Variants in TPP2 observed in about 807,000 individuals in gnomAD.
TPP2 encodes tripeptidyl peptidase 2, also known as tripeptidyl-peptidase 2.
In TPP2, 34 loss-of-function variants were observed where a neutral mutation model predicts 155.9. That is an observed-to-expected ratio of 0.22 (90% CI 0.17 to 0.29). TPP2 has a LOEUF of 0.29. Among genes scored for constraint, TPP2 ranks in the 10% least tolerant of loss-of-function variants. The probability of loss-of-function intolerance (pLI) is 1.00; values close to 1 mark genes in which losing one functional copy is unlikely to be tolerated. For missense variants in TPP2, 1,028 were observed against 1,522.3 expected (o/e 0.68, Z 5.40); for synonymous variants, 510 against 529.4 (o/e 0.96, Z 0.50).
chr13:102,602,079 G>T (rs1879472438), intron 1 of TPP2, among the ~76,000 whole-genome samples: 1 of 152,102 alleles, frequency 6.6e-6, no homozygotes, highest in Non-Finnish European at 1.5e-5. Flanking sequence ...ACTCAGGTTT[G>T]CTTATTGAGG....
chr13:102,664,341 ATCT>A (rs940442597), intron 26 of TPP2, among the ~76,000 whole-genome samples: 4 of 152,190 alleles, frequency 2.6e-5, no homozygotes, highest in African/African-American at 7.2e-5. Flanking sequence ...GTTTACTCTC[ATCT>A]TTGTGTTTTT....
At chr13:102,605,048 C>T (rs1228752685) in intron 2 of TPP2, 127 bp downstream of exon 2, 4 of 1,392,594 alleles carry the variant, frequency 2.9e-6, no homozygotes, top group Non-Finnish European at 3.9e-6. Flanking sequence ...TACCTCAGAA[C>T]ATCCTGGTTT....
intron 21 of TPP2, among the ~76,000 whole-genome samples, chr13:102,648,544 C>T (rs1294315314): frequency 1.3e-5 from 2 of 151,258 alleles, no homozygotes; most frequent in South Asian, 2.1e-4. Flanking sequence ...TCTGAGGGAC[C>T]CATGAACTAG....
chr13:102,663,232 CT>C (rs1344188625), intron 25 of TPP2, among the ~76,000 whole-genome samples: 1 of 152,128 alleles, frequency 6.6e-6, no homozygotes, highest in Non-Finnish European at 1.5e-5. Context: ...ACTGCAACCT[CT>C]GCCTCCCAGG....
chr13:102,603,594 G>C (rs1043400078), intron 1 of TPP2, among the ~76,000 whole-genome samples: 10 of 152,194 alleles, frequency 6.6e-5, no homozygotes, highest in Admixed American at 6.5e-4. Flanking sequence ...GGTTGGCGTG[G>C]TTAGACTCCT....
chr13:102,638,718 A>G (rs1037667654), intron 15 of TPP2, among the ~76,000 whole-genome samples: 1 of 152,048 alleles, frequency 6.6e-6, no homozygotes, highest in African/African-American at 2.4e-5. Flanking sequence ...TAATGCTTCC[A>G]CTTTTCTAGT....
At chr13:102,662,420 A>G (rs1405561330) in intron 25 of TPP2, among the ~76,000 whole-genome samples, 1 of 152,220 alleles carries the variant, frequency 6.6e-6, no homozygotes. Flanking sequence ...AAAAATTGAA[A>G]AGGTTGTTTA....
chr13:102,668,673 G>T lies in TPP2; in HGVS notation c.3371+3748G>T, dbSNP rs112297987. Among the ~76,000 whole-genome samples, 466 of 152,272 alleles carry T rather than the reference G, an allele frequency of 3.1e-3. 1 individual carries two copies. The highest frequency in any genetic ancestry group is 4.5e-3 in the Non-Finnish European group (308 of 68,020). Reference sequence around the variant, plus strand: ...GCCCAGGTAACAGGGCAGAAGAAAGGCAAATCTAAATGATGATCCCAATAG... The same window carrying T: ...GCCCAGGTAACAGGGCAGAAGAAAGTCAAATCTAAATGATGATCCCAATAG... On this transcript the variant is annotated intron_variant, in intron 27 of 29. Transcript: ENST00000376052.
At chr13:102,677,452 G>A (rs1225014147) in intron 29 of TPP2, among the ~76,000 whole-genome samples, 1 of 152,058 alleles carries the variant, frequency 6.6e-6, no homozygotes, top group Non-Finnish European at 1.5e-5. Context: ...ATCACATTTG[G>A]AATAAAATCC....
At chr13:102,648,249 A>G (rs1302488270) in intron 21 of TPP2, among the ~76,000 whole-genome samples, 3 of 152,172 alleles carry the variant, frequency 2.0e-5, no homozygotes, top group Admixed American at 2.0e-4. Context: ...GCATGGTGGC[A>G]CATGCCTGTG....
intron 25 of TPP2, among the ~76,000 whole-genome samples, chr13:102,662,962 T>G (rs1884329456): frequency 6.6e-6 from 1 of 152,072 alleles, no homozygotes; most frequent in South Asian, 2.1e-4. Flanking sequence ...TTAATAGATC[T>G]GAGACATTTT....
chr13:102,677,048 T>C (rs1885316072), intron 29 of TPP2, among the ~76,000 whole-genome samples: 1 of 152,198 alleles, frequency 6.6e-6, no homozygotes, highest in African/African-American at 2.4e-5. Context: ...TTATACTTTA[T>C]ATGTAAGGTA....
rs1326111910 is a variant in TPP2, at chr13:102,627,090, G to T, written c.863G>T (p.Gly288Val). The T allele has an allele frequency of 6.2e-7, 1 of 1,600,686 alleles. No individual in the cohort carries two copies. ...EEPERNGVAP[G>V]AQILSIKIGD... Reference sequence around the variant, plus strand: ...CCTGAACGGAATGGGGTAGCTCCTGGTGCTCAAATTCTTTCCATCAAGATT... The same window carrying T: ...CCTGAACGGAATGGGGTAGCTCCTGTTGCTCAAATTCTTTCCATCAAGATT... The change falls in exon 7 of 30, where the codon GGT (glycine) becomes GTT (valine). Residue 288 changes from glycine to valine, a missense_variant. Gly to Val is a moderately radical substitution (Grantham distance 109). Around this residue, in one of 7 missense-constraint regions of TPP2, gnomAD observed 300 missense variants for 398.3 expected, o/e 0.75. Transcript: ENST00000376052.
At chr13:102,649,711 C>G (rs1883364439) in intron 23 of TPP2, among the ~76,000 whole-genome samples, 1 of 152,054 alleles carries the variant, frequency 6.6e-6, no homozygotes, top group Non-Finnish European at 1.5e-5. Flanking sequence ...TTTCACAAGC[C>G]TACAGTACTC....
chr13:102,601,660 C>T (rs921689498), intron 1 of TPP2, among the ~76,000 whole-genome samples: 1 of 152,164 alleles, frequency 6.6e-6, no homozygotes, highest in Non-Finnish European at 1.5e-5. Context: ...GAAGCCTCCC[C>T]CTTCTCAGAG....
intron 27 of TPP2, among the ~76,000 whole-genome samples, chr13:102,670,366 G>A (rs1317499564): frequency 6.6e-6 from 1 of 152,152 alleles, no homozygotes; most frequent in Non-Finnish European, 1.5e-5. Context: ...TGACATCACG[G>A]TCATAACCTA....
chr13:102,635,835 C>A, intron 12 of TPP2, 133 bp downstream of exon 12: 4 of 708,102 alleles, frequency 5.6e-6, no homozygotes, highest in Admixed American at 2.9e-5. Flanking sequence ...CATAGAACTA[C>A]AAGCAAAAAG....
At chr13:102,629,367 C>G in intron 8 of TPP2, 115 bp from the exon 9 acceptor site, 1 of 1,236,244 alleles carries the variant, frequency 8.1e-7, no homozygotes, top group Non-Finnish European at 1.1e-6. Flanking sequence ...CATGTTCCAC[C>G]AAGGGTGGAT....
chr13:102,599,677 G>C (rs1184975359), intron 1 of TPP2, among the ~76,000 whole-genome samples: 3 of 152,180 alleles, frequency 2.0e-5, no homozygotes, highest in Non-Finnish European at 4.4e-5. Context: ...GGCATGAGAA[G>C]AGTAGTAGTT....
Sources: allele counts gnomAD v4.1 joint callset (sites outside exome capture counted in the v4.1 genomes callset), GRCh38; gene constraint gnomAD v4.1.1; regional missense constraint gnomAD v4.1.1; transcripts MANE v1.5; gene names NCBI Gene and HGNC (gene_info 2026-07-23, HGNC 2026-07-21).